NFATC2: variants seen among roughly 807,000 people sequenced by gnomAD.
NFATC2 encodes the protein nuclear factor of activated T-cells, cytoplasmic 2.
A neutral mutation model predicts 87.3 loss-of-function variants in NFATC2; 22 were observed. The observed-to-expected ratio is 0.25, with a 90% confidence interval of 0.18 to 0.36. The LOEUF is 0.36. Among genes scored for constraint, NFATC2 ranks in the 10% least tolerant of loss-of-function variants. The pLI is 1.00. For missense variants in NFATC2, 1,149 were observed against 1,259.1 expected (o/e 0.91, Z 1.32); for synonymous variants, 565 against 542.2 (o/e 1.04, Z -0.58).
At chr20:51,473,926 G>T in intron 5 of NFATC2, 54 bp downstream of exon 5, 3 of 1,578,734 alleles carry the variant, frequency 1.9e-6, no homozygotes, top group Non-Finnish European at 2.6e-6. Context: ...CCCGGGGGAA[G>T]CCCACGTGCC....
chr20:51,445,203 G>A (rs932947533), intron 6 of NFATC2, among the ~76,000 whole-genome samples: 33 of 151,964 alleles, frequency 2.2e-4, no homozygotes, highest in African/African-American at 7.3e-4. Context: ...CCTGCCCCCC[G>A]CAGCACCTCT....
chr20:51,493,693 G>A (rs577275494), intron 3 of NFATC2, among the ~76,000 whole-genome samples: 112 of 152,186 alleles, frequency 7.4e-4, no homozygotes, highest in Non-Finnish European at 1.3e-3. Context: ...GAGAGGCGGG[G>A]CATGCTGAGA....
rs767209014 is a variant in NFATC2, at chr20:51,491,865, CACACATACACAT to C, written c.1333-16217_1333-16206del. Among the ~76,000 whole-genome samples the C allele has an allele frequency of 4.5e-3, 476 of 105,100 alleles. 14 individuals are homozygous for C. The highest frequency in any genetic ancestry group is 0.021 in the African/African-American group (441 of 21,428). The allele number at this position is 105,100 out of a possible 152,430, so 68.9% of individuals were successfully genotyped here. On this transcript the variant is annotated intron_variant, in intron 3 of 10. Coordinates refer to ENST00000371564, the MANE Select transcript of NFATC2 (RefSeq NM_012340.5). ...GAGAACAGCCCCACCCCCACCAACACACACATACACATACACACACACACACACACACACACA... is the reference window on the plus strand; with the variant it reads ...GAGAACAGCCCCACCCCCACCAACACACACACACACACACACACACACACA...
chr20:51,420,749 C>A (rs1485772526), intron 9 of NFATC2, among the ~76,000 whole-genome samples: 1 of 152,136 alleles, frequency 6.6e-6, no homozygotes, highest in Non-Finnish European at 1.5e-5. Flanking sequence ...ATATATAAGA[C>A]AACCGGAAGT....
Position 51,562,519 on chromosome 20 carries a change from G to A in NFATC2, c.70+41C>T. The A allele has an allele frequency of 1.3e-6, 2 of 1,510,156 alleles. No individual in the cohort carries two copies. The highest frequency in any genetic ancestry group is 1.8e-6 in the Non-Finnish European group (2 of 1,111,684). 93.5% of individuals were successfully genotyped at this position (1,510,156 alleles called of 1,614,324 possible). On this transcript the variant is annotated intron_variant, in intron 1 of 10. Transcript: ENST00000414705. This position sits in a 1 kb window ranked among gnomAD's most constrained non-coding sequence, Gnocchi z 5.8. Reference sequence around the variant, plus strand: ...GGGAGCAGCAGGAAAGGGCCGGGAGGAGCGAGCGGAAAAGGCTGGAAGGGA... The same window carrying A: ...GGGAGCAGCAGGAAAGGGCCGGGAGAAGCGAGCGGAAAAGGCTGGAAGGGA...
At chr20:51,443,778 A>C (rs1403997279) in intron 6 of NFATC2, among the ~76,000 whole-genome samples, 3 of 152,124 alleles carry the variant, frequency 2.0e-5, no homozygotes, top group Admixed American at 1.3e-4. Context: ...TTCAGGCAAA[A>C]TTACCCCATC....
chr20:51,421,223 A>G (rs1980855689), intron 9 of NFATC2, among the ~76,000 whole-genome samples: 3 of 152,174 alleles, frequency 2.0e-5, no homozygotes, highest in African/African-American at 7.2e-5. Flanking sequence ...ATGTAGGGGT[A>G]CCTTGTACTA....
At chr20:51,461,381 G>T (rs1221579496) in intron 5 of NFATC2, among the ~76,000 whole-genome samples, 1 of 152,194 alleles carries the variant, frequency 6.6e-6, no homozygotes, top group Non-Finnish European at 1.5e-5. Flanking sequence ...ATCTTTGAGG[G>T]CCTGGCTCAG....
intron 9 of NFATC2, among the ~76,000 whole-genome samples, chr20:51,412,094 C>T (rs55986181): frequency 0.072 from 11,024 of 152,232 alleles, 980 homozygotes; most frequent in African/African-American, 0.21. Flanking sequence ...ACTGCTTTCC[C>T]TTCAGCTCCC....
chr20:51,498,664 G>A (rs1367282949), intron 3 of NFATC2, among the ~76,000 whole-genome samples: 2 of 152,210 alleles, frequency 1.3e-5, no homozygotes, highest in East Asian at 3.9e-4. Flanking sequence ...GCATGCACCT[G>A]TAGTCCCAGC....
upstream of NFATC2, among the ~76,000 whole-genome samples, chr20:51,547,448 C>T (rs2076898467): frequency 6.6e-6 from 1 of 152,144 alleles, no homozygotes; most frequent in African/African-American, 2.4e-5. Flanking sequence ...TCCTACCACC[C>T]AAGGTGGCTC....
At position 51,524,432 on chromosome 20, in the gene NFATC2, CA is replaced by C. The variant is rs199783137; in HGVS notation, c.131-323del. Among the ~76,000 whole-genome samples, 36 of 152,250 alleles carry C rather than the reference CA, an allele frequency of 2.4e-4. No individual in the cohort carries two copies. The East Asian group carries it at 7.0e-3, about 29-fold the overall frequency. On this transcript the variant is annotated intron_variant, in intron 1 of 10. Transcript: ENST00000371564. This position sits in a 1 kb window ranked among gnomAD's most constrained non-coding sequence, Gnocchi z 4.0. ...CCATTCACGCCACCATATACACCCACAACTGAAACAAAAGCCTCTCGAGTCA... is the reference window on the plus strand; with the variant it reads ...CCATTCACGCCACCATATACACCCACACTGAAACAAAAGCCTCTCGAGTCA...
Position 51,393,441 on chromosome 20 carries a change from A to G in NFATC2, c.*45-1990T>C, listed in dbSNP as rs201526868. On this transcript the variant is annotated intron_variant, in intron 10 of 10. Transcript: ENST00000371564. ...TTAGATATGTATTAGAAATACATAC[A>G]TTATGTATAACTTAACTTTTCCAAC... Among the ~76,000 whole-genome samples, 801 of 85,446 alleles carry G rather than the reference A, an allele frequency of 9.4e-3. 19 individuals are homozygous for G. The East Asian group carries it at 0.1, about 11-fold the overall frequency. 56.1% of individuals were successfully genotyped at this position (85,446 alleles called of 152,430 possible).
At chr20:51,504,855 G>A (rs1386366174) in intron 3 of NFATC2, among the ~76,000 whole-genome samples, 1 of 152,060 alleles carries the variant, frequency 6.6e-6, no homozygotes, top group Non-Finnish European at 1.5e-5. Context: ...AAAATAACCT[G>A]ATATAGACTC....
At chr20:51,511,201 G>C (rs1399963138) in intron 3 of NFATC2, among the ~76,000 whole-genome samples, 3 of 152,180 alleles carry the variant, frequency 2.0e-5, no homozygotes, top group Non-Finnish European at 4.4e-5. Flanking sequence ...ACCACCCCCT[G>C]TTGCTCCCTG....
intron 3 of NFATC2, among the ~76,000 whole-genome samples, chr20:51,507,363 C>T (rs1364282260): frequency 2.0e-5 from 3 of 152,122 alleles, no homozygotes; most frequent in Non-Finnish European, 4.4e-5. Flanking sequence ...CTCTCAGAGC[C>T]CCCTCCGTAT....
chr20:51,452,629 G>A (rs867206994), intron 6 of NFATC2, among the ~76,000 whole-genome samples: 6 of 152,188 alleles, frequency 3.9e-5, no homozygotes, highest in Non-Finnish European at 4.4e-5. Context: ...AATGAAACCC[G>A]TCCTCCCTGC....
chr20:51,490,913 G>A (rs942066933), intron 3 of NFATC2, among the ~76,000 whole-genome samples: 1 of 152,240 alleles, frequency 6.6e-6, no homozygotes, highest in Non-Finnish European at 1.5e-5. Flanking sequence ...CAGAGGAGGT[G>A]CTGAAGCACT....
At chr20:51,497,600 G>T (rs369980084) in intron 3 of NFATC2, among the ~76,000 whole-genome samples, 3 of 152,104 alleles carry the variant, frequency 2.0e-5, no homozygotes, top group African/African-American at 7.2e-5. Flanking sequence ...CATGATAGAC[G>T]TTCGCCTGAG....
Sources: gnomAD v4.1 joint callset for allele counts (sites outside exome capture counted in the v4.1 genomes callset) on GRCh38, gnomAD v4.1.1 for gene constraint, Gnocchi (gnomAD v3.1) non-coding constraint, MANE v1.5 for transcripts, NCBI Gene and HGNC (gene_info 2026-07-23, HGNC 2026-07-21) for gene names.